SUN3: variants seen among roughly 807,000 people sequenced by gnomAD.
SUN3 encodes Sad1 and UNC84 domain containing 3.
Under a neutral mutation model 48.2 loss-of-function variants are expected in SUN3, and 36 were observed. The ratio of observed to expected loss-of-function variants is 0.75; its 90% confidence interval spans 0.57 to 0.99. The LOEUF is 0.99. SUN3 is among the 50% of genes least tolerant of loss of function. The pLI is 0.00. For missense variants in SUN3, 419 were observed against 433.1 expected, an observed-to-expected ratio of 0.97 and a Z score of 0.29; for synonymous variants, 148 against 147.9, an observed-to-expected ratio of 1.00 and a Z score of 0.00.
the SUN3 span, among the ~76,000 whole-genome samples, chr7:48,034,452 AT>A: frequency 1.3e-5 from 2 of 151,222 alleles, no homozygotes; most frequent in African/African-American, 4.9e-5. Context: ...TTAAAAAAAA[AT>A]TTTCAACAAG....
chr7:47,999,619 G>T (rs748500034), intron 6 of SUN3, among the ~76,000 whole-genome samples: 1 of 152,158 alleles, frequency 6.6e-6, no homozygotes, highest in African/African-American at 2.4e-5. Flanking sequence ...TGCAATTTCC[G>T]CCTCGCCTTG....
intron 6 of SUN3, among the ~76,000 whole-genome samples, chr7:47,999,770 A>G (rs112073323): frequency 6.6e-6 from 1 of 152,154 alleles, no homozygotes; most frequent in African/African-American, 2.4e-5. Flanking sequence ...CCTGACCTCA[A>G]TTGATCCGCC....
chr7:48,035,535 G>A, the SUN3 span: 1 of 698,164 alleles, frequency 1.4e-6, no homozygotes, highest in African/African-American at 1.8e-5. This position sits in a 1 kb window ranked among gnomAD's most constrained non-coding sequence, Gnocchi z 4.0. Flanking sequence ...GCGGCGCGCT[G>A]GGAGTTTGGG....
At chr7:47,999,510 A>AG (rs1789299536) in intron 6 of SUN3, among the ~76,000 whole-genome samples, 2 of 151,068 alleles carry the variant, frequency 1.3e-5, no homozygotes, top group Non-Finnish European at 2.9e-5. Context: ...GCCTTTTTTT[A>AG]AATATTAGTT....
rs144657634 is a variant in SUN3, at chr7:48,011,456, G to A, written c.289-2381C>T. 3.0e-3 allele frequency among the ~76,000 whole-genome samples: 454 copies of A among 152,240 alleles called. 7 individuals carry two copies. Among genetic ancestry groups the A allele is most frequent in the African/African-American group, 0.01 (418 of 41,522 alleles). On this transcript the variant is annotated intron_variant, in intron 3 of 9. Coordinates refer to ENST00000297325, the MANE Select transcript of SUN3 (RefSeq NM_001030019.2). ...TTCTGAACAATTACACTTCTTATAC[G>A]TTCTCCTCAACATTTTTATTTTGAC...
At chr7:48,012,352 C>T (rs1204270029) in intron 3 of SUN3, among the ~76,000 whole-genome samples, 1 of 151,794 alleles carries the variant, frequency 6.6e-6, no homozygotes, top group East Asian at 1.9e-4. Context: ...AAGAAATAGC[C>T]ATGGGCAAAG....
At chr7:48,016,721 A>G (rs1257700598) in intron 3 of SUN3, among the ~76,000 whole-genome samples, 1 of 152,234 alleles carries the variant, frequency 6.6e-6, no homozygotes, top group Non-Finnish European at 1.5e-5. Flanking sequence ...GAGAATTTTT[A>G]GGACCTCATA....
intron 1 of SUN3, among the ~76,000 whole-genome samples, chr7:48,026,437 G>A (rs1192205962): frequency 2.0e-5 from 3 of 152,040 alleles, no homozygotes; most frequent in East Asian, 3.9e-4. Context: ...AGTACAGTAT[G>A]CTATACAAAT....
At chr7:47,996,190 C>G in intron 6 of SUN3, 44 bp from the exon 7 acceptor site, 1 of 1,017,148 alleles carries the variant, frequency 9.8e-7, no homozygotes. Context: ...ACAACATACA[C>G]AATTCAAAAC....
rs369761102 is a variant in SUN3, at chr7:48,008,545, A to G, written c.329+490T>C. Among the ~76,000 whole-genome samples the G allele has an allele frequency of 7.2e-5, 11 of 152,362 alleles. 1 individual carries two copies. Among genetic ancestry groups the G allele is most frequent in the African/African-American group, 2.6e-4 (11 of 41,594 alleles). ...TCCATTTTTAGTTATCATAAATGAC[A>G]TGGAAAGCACACCTCAGTGTGTATT... is the stretch of plus-strand genomic sequence containing the variant. On this transcript the variant is annotated intron_variant, in intron 4 of 9. Coordinates refer to ENST00000297325, the MANE Select transcript of SUN3 (RefSeq NM_001030019.2).
rs144351352 is a variant in SUN3, at chr7:48,003,513, G to C, written c.577+2456C>G. 4.8e-3 allele frequency among the ~76,000 whole-genome samples: 737 copies of C among 152,248 alleles called. 3 individuals are homozygous for C. Among genetic ancestry groups the C allele is most frequent in the Middle Eastern group, 0.014 (4 of 294 alleles). ...TACTTTAGGCAGTATGGGCATTTTAGTGATATTGATTCTTTCTATCCATGA... is the reference window on the plus strand; with the variant it reads ...TACTTTAGGCAGTATGGGCATTTTACTGATATTGATTCTTTCTATCCATGA... On this transcript the variant is annotated intron_variant, in intron 6 of 9. Transcript: ENST00000297325.
intron 4 of SUN3, among the ~76,000 whole-genome samples, chr7:48,008,156 A>G (rs1789587389): frequency 6.6e-6 from 1 of 152,322 alleles, no homozygotes; most frequent in Admixed American, 6.5e-5. Flanking sequence ...CAGTTTGAAA[A>G]TTACTAGTAG....
At chr7:47,992,145 GC>G (rs1789083366) in intron 8 of SUN3, among the ~76,000 whole-genome samples, 1 of 152,154 alleles carries the variant, frequency 6.6e-6, no homozygotes, top group African/African-American at 2.4e-5. Context: ...GATTCCCGCT[GC>G]AAACTCACGA....
At position 47,996,026 on chromosome 7, in the gene SUN3, T is replaced by A; in HGVS notation, c.693+5A>T. ...AGAAATAAGTGATTCTTAATTTAGCTTTACCTGAAGAATAATATCTGGAGG... is the reference window on the plus strand; with the variant it reads ...AGAAATAAGTGATTCTTAATTTAGCATTACCTGAAGAATAATATCTGGAGG... On this transcript the variant is annotated splice_donor_5th_base_variant and intron_variant, in intron 7 of 9. Coordinates refer to ENST00000297325, the MANE Select transcript of SUN3 (RefSeq NM_001030019.2). The A allele has an allele frequency of 1.4e-6, 2 of 1,445,216 alleles. No homozygotes were observed. The highest frequency in any genetic ancestry group is 9.4e-7 in the Non-Finnish European group (1 of 1,067,054). The allele number at this position is 1,445,216 out of a possible 1,614,324, so 89.5% of individuals were successfully genotyped here. A position where few individuals can be genotyped will look rare whatever the true frequency, so the allele number is the denominator to read the frequency against.
chr7:48,034,082 T>C (rs1374281850), upstream of SUN3, among the ~76,000 whole-genome samples: 1 of 152,158 alleles, frequency 6.6e-6, no homozygotes, highest in Non-Finnish European at 1.5e-5. Flanking sequence ...TAAACTTCTC[T>C]TGACCATACA....
intron 2 of SUN3, among the ~76,000 whole-genome samples, chr7:48,024,204 G>C (rs1790074444): frequency 6.6e-6 from 1 of 152,106 alleles, no homozygotes; most frequent in Admixed American, 6.5e-5. Flanking sequence ...ATCAAAGAAA[G>C]TGCAAAGACA....
chr7:48,030,226 T>C (rs1790236770), upstream of SUN3, among the ~76,000 whole-genome samples: 1 of 152,218 alleles, frequency 6.6e-6, no homozygotes, highest in Admixed American at 6.5e-5. Context: ...TTTGTAAGTG[T>C]TATTTTTCAA....
At chr7:48,032,972 T>C (rs978736328), upstream of SUN3, among the ~76,000 whole-genome samples, 1 of 152,218 alleles carries the variant, frequency 6.6e-6, no homozygotes, top group Non-Finnish European at 1.5e-5. Context: ...CAAATACATT[T>C]TTCCTCTTCT....
intron 5 of SUN3, among the ~76,000 whole-genome samples, chr7:48,006,687 T>C (rs527253913): frequency 2.0e-5 from 3 of 152,136 alleles, no homozygotes; most frequent in Non-Finnish European, 4.4e-5. Flanking sequence ...GTCAGATTGC[T>C]GCGCATTTCA....
Sources: allele counts gnomAD v4.1 joint callset (sites outside exome capture counted in the v4.1 genomes callset), GRCh38; gene constraint gnomAD v4.1.1; non-coding constraint Gnocchi (gnomAD v3.1); transcripts MANE v1.5; gene names NCBI Gene and HGNC (gene_info 2026-07-23, HGNC 2026-07-21).